Variants in PHF24 observed in about 807,000 individuals in gnomAD.
PHF24 encodes Galpha inhibitory interacting protein.
In PHF24, 25 loss-of-function variants were observed where a neutral mutation model predicts 42.6. The ratio of observed to expected loss-of-function variants is 0.59; its 90% confidence interval spans 0.43 to 0.82. The LOEUF is 0.82. Ranked by LOEUF, PHF24 falls within the 40% of genes least tolerant of loss-of-function variation. PHF24 has a pLI of 0.00. For synonymous variants in PHF24, 185 were observed against 204.8 expected, an observed-to-expected ratio of 0.90 and a Z score of 0.83; for missense variants, 470 against 538.1, an observed-to-expected ratio of 0.87 and a Z score of 1.25.
the PHF24 span, among the ~76,000 whole-genome samples, chr9:34,740,492 C>G: frequency 1.3e-5 from 2 of 152,244 alleles, no homozygotes; most frequent in Non-Finnish European, 2.9e-5. Flanking sequence ...CTAAGCCCCT[C>G]ATTGCCCGGG....
the PHF24 span, among the ~76,000 whole-genome samples, chr9:34,861,961 T>G: frequency 1.3e-5 from 2 of 152,226 alleles, no homozygotes; most frequent in Non-Finnish European, 2.9e-5. Flanking sequence ...ATTTATTTCT[T>G]GCAGTCCTGG....
the PHF24 span, chr9:34,922,677 A>G: frequency 7.6e-7 from 1 of 1,308,264 alleles, no homozygotes; most frequent in South Asian, 1.2e-5. Flanking sequence ...TTCTCTCTGT[A>G]TTCTTGAGCC....
chr9:34,976,677 C>G, exon 5 of PHF24: 1 of 1,614,190 alleles, frequency 6.2e-7, no homozygotes, highest in Non-Finnish European at 8.5e-7. Context: ...ATCGAGGCCA[C>G]ATAGAGTGGC....
the PHF24 span, among the ~76,000 whole-genome samples, chr9:34,683,272 G>A: frequency 6.6e-6 from 1 of 152,244 alleles, no homozygotes; most frequent in African/African-American, 2.4e-5. Flanking sequence ...TGTTGGCCAA[G>A]CTGGTCTCGA....
At chr9:34,835,525 G>A in the PHF24 span, 1 of 1,551,834 alleles carries the variant, frequency 6.4e-7, no homozygotes, top group Non-Finnish European at 8.7e-7. Context: ...GGGACAGCAA[G>A]GAGACCTGGA....
chr9:34,677,304 T>C, the PHF24 span, among the ~76,000 whole-genome samples: 1 of 151,910 alleles, frequency 6.6e-6, no homozygotes, highest in Non-Finnish European at 1.5e-5. Context: ...ATCATCTCTT[T>C]CCTAGACTAC....
chr9:34,832,256 G>T, the PHF24 span: 1 of 518,044 alleles, frequency 1.9e-6, no homozygotes, highest in Non-Finnish European at 3.5e-6. Context: ...TGTTCTCCTT[G>T]AGCAGACCAA....
At chr9:34,901,280 A>T in the PHF24 span, among the ~76,000 whole-genome samples, 1 of 152,236 alleles carries the variant, frequency 6.6e-6, no homozygotes, top group African/African-American at 2.4e-5. Flanking sequence ...AAATCCAAAG[A>T]CATTACAAGA....
the PHF24 span, among the ~76,000 whole-genome samples, chr9:34,918,614 G>A: frequency 6.6e-6 from 1 of 151,986 alleles, no homozygotes; most frequent in Admixed American, 6.6e-5. Flanking sequence ...TCTTAGCAGT[G>A]GTTATTTTGG....
the PHF24 span, chr9:34,666,160 G>GTC: frequency 5.7e-6 from 1 of 175,320 alleles, no homozygotes; most frequent in Non-Finnish European, 1.2e-5. Flanking sequence ...GTCATCTTAC[G>GTC]GGGTGAGGCC....
chr9:34,728,637 C>T, the PHF24 span: 3 of 1,551,324 alleles, frequency 1.9e-6, no homozygotes, highest in African/African-American at 1.4e-5. Flanking sequence ...TAGCTCTTTG[C>T]CTGACTTTTT....
the PHF24 span, chr9:34,723,756 A>T: frequency 5.2e-6 from 8 of 1,551,590 alleles, no homozygotes; most frequent in Admixed American, 9.8e-5. Flanking sequence ...GCCTGGGGCA[A>T]CACAGTCTGG....
the PHF24 span, chr9:34,665,907 C>T: frequency 3.7e-5 from 21 of 565,708 alleles, no homozygotes; most frequent in Non-Finnish European, 6.3e-5. Context: ...GGGGCCAGGG[C>T]GAGAGGTTTG....
At chr9:34,682,991 C>A in the PHF24 span, among the ~76,000 whole-genome samples, 1 of 152,044 alleles carries the variant, frequency 6.6e-6, no homozygotes, top group Admixed American at 6.6e-5. Context: ...AGGTAAAAAT[C>A]AAGCGAACAA....
chr9:34,923,034 T>C, the PHF24 span: 1 of 466,576 alleles, frequency 2.1e-6, no homozygotes, highest in East Asian at 3.4e-5. Flanking sequence ...ACCCAGTTTT[T>C]TAAGTTTTGT....
chr9:34,934,464 C>T, the PHF24 span, among the ~76,000 whole-genome samples: 6 of 152,180 alleles, frequency 3.9e-5, no homozygotes, highest in Non-Finnish European at 1.5e-5. Flanking sequence ...CCCTCTTCCT[C>T]TGACCCTGCT....
the PHF24 span, among the ~76,000 whole-genome samples, chr9:34,904,152 G>A: frequency 6.6e-6 from 1 of 152,098 alleles, no homozygotes; most frequent in Non-Finnish European, 1.5e-5. Flanking sequence ...CAAGGTAGAC[G>A]ATCATATTGT....
the PHF24 span, chr9:34,690,440 G>GTA: frequency 3.4e-6 from 3 of 894,850 alleles, no homozygotes; most frequent in Admixed American, 2.3e-5. Flanking sequence ...GTGTGTGTGT[G>GTA]TGTGTGTGTG....
chr9:34,852,011 T>TTG, the PHF24 span, among the ~76,000 whole-genome samples: 1 of 152,156 alleles, frequency 6.6e-6, no homozygotes, highest in Non-Finnish European at 1.5e-5. Context: ...ATCCACTTAT[T>TTG]TGTGGATTTT....
Sources: gnomAD v4.1 joint callset for allele counts (sites outside exome capture counted in the v4.1 genomes callset) on GRCh38, gnomAD v4.1.1 for gene constraint, MANE v1.5 for transcripts, NCBI Gene and HGNC (gene_info 2026-07-23, HGNC 2026-07-21) for gene names.